Variants in SPATA31G1 observed in about 807,000 individuals in gnomAD.
SPATA31G1 encodes spermatogenesis-associated protein 31G1.
At chr9:35,044,555 T>C in the SPATA31G1 span, 1 of 1,614,102 alleles carries the variant, frequency 6.2e-7, no homozygotes, top group Admixed American at 1.7e-5. Flanking sequence ...TGTTCCCAGG[T>C]AGGGGCTCCA....
At chr9:35,044,963 C>A in the SPATA31G1 span, 1 of 1,614,184 alleles carries the variant, frequency 6.2e-7, no homozygotes, top group Non-Finnish European at 8.5e-7. Context: ...ATCCTGGGAT[C>A]CATGCCTGGC....
chr9:35,045,880 G>A, the SPATA31G1 span: 1 of 1,580,646 alleles, frequency 6.3e-7, no homozygotes, highest in Non-Finnish European at 8.6e-7. Flanking sequence ...AGAAAAGGCT[G>A]GTAATACTAG....
At chr9:35,043,061 G>A in the SPATA31G1 span, 2 of 1,614,148 alleles carry the variant, frequency 1.2e-6, no homozygotes, top group Non-Finnish European at 1.7e-6. Context: ...GTGGTTCTGA[G>A]GGCCTCCTCA....
At chr9:35,045,368 T>C in the SPATA31G1 span, 10 of 1,613,928 alleles carry the variant, frequency 6.2e-6, no homozygotes, top group Non-Finnish European at 7.6e-6. Flanking sequence ...GTGTGGACTA[T>C]CTATCTCCAG....
At chr9:35,043,326 C>T in the SPATA31G1 span, 1 of 1,614,208 alleles carries the variant, frequency 6.2e-7, no homozygotes, top group Non-Finnish European at 8.5e-7. Flanking sequence ...CTTCAACAAG[C>T]TTGCCTTCCT....
the SPATA31G1 span, chr9:35,041,289 C>T: frequency 7.7e-4 from 162 of 209,958 alleles, 1 homozygote; most frequent in Non-Finnish European, 1.2e-3. Flanking sequence ...TGATTTATTA[C>T]GGCTAGCAGA....
chr9:35,042,401 G>T, the SPATA31G1 span: 1 of 1,614,230 alleles, frequency 6.2e-7, no homozygotes, highest in Non-Finnish European at 8.5e-7. Flanking sequence ...TCTTATTCGT[G>T]GTTTGGCAGA....
At chr9:35,042,358 G>A in the SPATA31G1 span, 19 of 1,614,272 alleles carry the variant, frequency 1.2e-5, no homozygotes, top group Non-Finnish European at 1.6e-5. Context: ...GGCAGCAGCT[G>A]CTTCCAGAGT....
the SPATA31G1 span, chr9:35,043,280 C>T: frequency 2.5e-5 from 41 of 1,614,062 alleles, no homozygotes; most frequent in Non-Finnish European, 3.3e-5. Flanking sequence ...CAGGTGGCCC[C>T]TCTCCTCTGA....
the SPATA31G1 span, chr9:35,042,698 G>A: frequency 6.0e-6 from 7 of 1,160,204 alleles, no homozygotes; most frequent in South Asian, 1.0e-4. Context: ...ACTGGGTAAT[G>A]ACCATTAACA....
chr9:35,043,148 G>A, the SPATA31G1 span: 3 of 1,614,158 alleles, frequency 1.9e-6, no homozygotes, highest in Non-Finnish European at 2.5e-6. Context: ...TCCAGATTCT[G>A]ACCAGCTTTC....
At chr9:35,042,441 C>T in the SPATA31G1 span, 14 of 1,614,188 alleles carry the variant, frequency 8.7e-6, no homozygotes, top group East Asian at 4.5e-5. Context: ...TGGGAGGTTG[C>T]GACAGCTTCA....
the SPATA31G1 span, chr9:35,043,751 CAG>C: frequency 1.2e-6 from 2 of 1,614,196 alleles, no homozygotes; most frequent in Non-Finnish European, 1.7e-6. Context: ...CCGTGGGATA[CAG>C]AGAGAAACCT....
At chr9:35,041,604 A>G in the SPATA31G1 span, 4 of 153,668 alleles carry the variant, frequency 2.6e-5, no homozygotes, top group Admixed American at 2.6e-4. Context: ...AAGATGGTTC[A>G]CGCCTATAAT....
the SPATA31G1 span, chr9:35,042,759 G>C: frequency 2.0e-6 from 3 of 1,465,328 alleles, no homozygotes; most frequent in Non-Finnish European, 2.8e-6. Context: ...GATTAGGTGA[G>C]TAACTGTCCA....
chr9:35,045,798 AG>A, the SPATA31G1 span: 1 of 1,614,126 alleles, frequency 6.2e-7, no homozygotes, highest in South Asian at 1.1e-5. Flanking sequence ...TTCCCTTACC[AG>A]GGGTTTGCAA....
chr9:35,043,492 T>G, the SPATA31G1 span: 1,543 of 1,614,168 alleles, frequency 9.6e-4, 10 homozygotes, highest in African/African-American at 0.014. Context: ...CTCCTCCATC[T>G]GAGGCCCTTC....
the SPATA31G1 span, chr9:35,045,429 G>C: frequency 6.2e-7 from 1 of 1,614,140 alleles, no homozygotes; most frequent in Admixed American, 1.7e-5. Context: ...CAAGAGAAAG[G>C]ACAAGGCTTC....
At chr9:35,043,685 AC>A in the SPATA31G1 span, 1 of 1,614,172 alleles carries the variant, frequency 6.2e-7, no homozygotes, top group Admixed American at 1.7e-5. Flanking sequence ...CTCTGTCAGA[AC>A]CCAGAAAAGT....
Sources: gnomAD v4.1 joint callset for allele counts on GRCh38, gnomAD v4.1.1 for gene constraint, MANE v1.5 for transcripts, NCBI Gene and HGNC (gene_info 2026-07-23, HGNC 2026-07-21) for gene names.